Variants in SLC2A10 observed in about 807,000 individuals in gnomAD.
SLC2A10 encodes solute carrier family 2, facilitated glucose transporter member 10.
In SLC2A10, 25 loss-of-function variants were observed where a neutral mutation model predicts 32.1. That is an observed-to-expected ratio of 0.78 (90% confidence interval 0.57 to 1.09). The LOEUF (loss-of-function observed/expected upper bound fraction) is 1.09. Among genes scored for constraint, SLC2A10 ranks in the 50% least tolerant of loss-of-function variants. The pLI is 0.00. For synonymous variants in SLC2A10, 332 were observed against 309.6 expected (o/e 1.07, Z -0.76); for missense variants, 673 against 686.5 (o/e 0.98, Z 0.22).
At chr20:46,727,136 C>T in intron 3 of SLC2A10, 150 bp downstream of exon 3, 2 of 1,069,748 alleles carry the variant, frequency 1.9e-6, no homozygotes, top group Non-Finnish European at 2.9e-6. Flanking sequence ...ATCCAGGACC[C>T]TCATATGCAC....
At position 46,725,103 on chromosome 20, in the gene SLC2A10, G is replaced by A. The variant is rs760225405; in HGVS notation, c.67G>A (p.Gly23Ser). 3 of 1,614,164 alleles carry A rather than the reference G, an allele frequency of 1.9e-6. No homozygotes were observed. Among genetic ancestry groups the A allele is most frequent in the Non-Finnish European group, 1.7e-6 (2 of 1,180,042 alleles). Residue 23 changes from glycine (G) to serine (S), a missense_variant, in exon 2 of 5, where the codon GGT becomes AGT. Coordinates refer to ENST00000359271, the MANE Select transcript of SLC2A10 (RefSeq NM_030777.4). ...GTCTTTGCTGGGTGGCCTGACCTTT[G>A]GTTATGAACTGGCAGTCATATCAGG... ...SVSLLGGLTF[G>S]YELAVISGAL...
intron 1 of SLC2A10, among the ~76,000 whole-genome samples, chr20:46,715,669 C>T (rs1979193173): frequency 6.6e-6 from 1 of 152,096 alleles, no homozygotes; most frequent in Admixed American, 6.5e-5. Context: ...CATGGAACTC[C>T]TCCTTCTGCA....
rs1021536507 is a variant in SLC2A10 at position 46,734,187 on chromosome 20, C to T, written c.*353C>T. 4 of 363,362 alleles carry T rather than the reference C, an allele frequency of 1.1e-5. No homozygotes were observed. The Admixed American group carries it at 1.6e-4, about 14-fold the overall frequency. The allele number at this position is 363,362 out of a possible 1,614,324, so 22.5% of individuals were successfully genotyped here. A position where few individuals can be genotyped will look rare whatever the true frequency, so the allele number is the denominator to read the frequency against. On this transcript the variant is annotated 3_prime_UTR_variant, in exon 5 of 5. Coordinates refer to ENST00000359271, the MANE Select transcript of SLC2A10 (RefSeq NM_030777.4). ...GTACCAATCCTGGCAGGAAGTCTCT[C>T]CCGATATCACCCCTAAATCCAAATG...
chr20:46,715,705 AG>A (rs1195675354), intron 1 of SLC2A10, among the ~76,000 whole-genome samples: 1 of 152,244 alleles, frequency 6.6e-6, no homozygotes, highest in Non-Finnish European at 1.5e-5. Context: ...AAAGCTAAGA[AG>A]GGACCCAAGC....
intron 1 of SLC2A10, among the ~76,000 whole-genome samples, chr20:46,721,754 T>C (rs1279655208): frequency 2.0e-5 from 3 of 152,222 alleles, no homozygotes; most frequent in Non-Finnish European, 4.4e-5. Context: ...AATGACTATT[T>C]TGTTTCTGTA....
chr20:46,727,087 T>A, intron 3 of SLC2A10, 101 bp downstream of exon 3: 1 of 1,423,890 alleles, frequency 7.0e-7, no homozygotes, highest in East Asian at 2.3e-5. Context: ...TGCAGAACTA[T>A]TATTCTGTGC....
At chr20:46,722,891 C>T (rs750579513) in intron 1 of SLC2A10, among the ~76,000 whole-genome samples, 1 of 152,216 alleles carries the variant, frequency 6.6e-6, no homozygotes, top group Non-Finnish European at 1.5e-5. Flanking sequence ...CCTCATTGAT[C>T]TTAACTGGCA....
rs749489168 is a variant in SLC2A10 at position 46,726,961 on chromosome 20, C to G, written c.1386C>G (p.Ile462Met). Residue 462 changes from isoleucine (I) to methionine (M), a missense_variant, in exon 3 of 5, where the codon ATC (isoleucine) becomes ATG (methionine). Coordinates refer to ENST00000359271, the MANE Select transcript of SLC2A10 (RefSeq NM_030777.4). ...NSFNWAANLFISLSFLDLIGT... is the reference protein window; with the variant it reads ...NSFNWAANLFMSLSFLDLIGT... ...TCAACTGGGCGGCCAACCTCTTCAT[C>G]AGCCTCTCCTTCCTCGATCTCATTG... is the stretch of plus-strand genomic sequence containing the variant. 1.5e-5 allele frequency: 25 copies of G among 1,614,252 alleles called. No individual in the cohort carries two copies. In the South Asian group the frequency reaches 2.2e-4, roughly 14 times the overall value.
chr20:46,718,232 A>C (rs1337305484), intron 1 of SLC2A10, among the ~76,000 whole-genome samples: 2 of 152,112 alleles, frequency 1.3e-5, no homozygotes, highest in African/African-American at 4.8e-5. Context: ...AAAAAAAAAG[A>C]AAGAAAATGC....
At chr20:46,721,267 G>A (rs1979535091) in intron 1 of SLC2A10, among the ~76,000 whole-genome samples, 1 of 152,186 alleles carries the variant, frequency 6.6e-6, no homozygotes, top group South Asian at 2.1e-4. Context: ...CATCTTTAGA[G>A]ACCAGCTCCC....
Position 46,725,398 on chromosome 20 carries a change from T to C in SLC2A10, c.362T>C (p.Ile121Thr), listed in dbSNP as rs1447909132. 2 of 1,614,090 alleles carry C rather than the reference T, an allele frequency of 1.2e-6. No homozygotes were observed. The highest frequency in any genetic ancestry group is 1.7e-5 in the Admixed American group (1 of 60,010). ...AISLSSMACC[I>T]YVSELVGPRQ... ...TCCCTCTCCTCCATGGCTTGCTGTATCTACGTGTCAGAGCTGGTGGGGCCA... is the reference window on the plus strand; with the variant it reads ...TCCCTCTCCTCCATGGCTTGCTGTACCTACGTGTCAGAGCTGGTGGGGCCA... Residue 121 changes from isoleucine to threonine, a missense_variant, in exon 2 of 5, where the codon ATC (isoleucine) becomes ACC (threonine). Coordinates refer to ENST00000359271, the MANE Select transcript of SLC2A10 (RefSeq NM_030777.4).
At chr20:46,718,679 A>G (rs1413059533) in intron 1 of SLC2A10, among the ~76,000 whole-genome samples, 2 of 151,982 alleles carry the variant, frequency 1.3e-5, no homozygotes, top group African/African-American at 4.8e-5. Flanking sequence ...TCAATTATTC[A>G]AGATTTTTAA....
intron 4 of SLC2A10, among the ~76,000 whole-genome samples, chr20:46,732,141 C>T (rs6018005): frequency 0.013 from 1,947 of 152,328 alleles, 34 homozygotes; most frequent in African/African-American, 0.042. Context: ...TCCAGCTCCT[C>T]TACCTGCTTT....
rs1296666363 is a variant in SLC2A10, at chr20:46,734,942, C to T, written c.*1108C>T. ...TAACAACTCCCTGAACCTCAGTTTC[C>T]TCATCTGCAGAATGGGGATAATTAT... On this transcript the variant is annotated 3_prime_UTR_variant, in exon 5 of 5. Transcript: ENST00000359271. 6.6e-6 allele frequency: 1 copy of T among 152,656 alleles called. No homozygotes were observed. Among genetic ancestry groups the T allele is most frequent in the Non-Finnish European group, 1.5e-5 (1 of 68,056 alleles). The allele number at this position is 152,656 out of a possible 1,614,324, so 9.5% of individuals were successfully genotyped here. A position where few individuals can be genotyped will look rare whatever the true frequency, so the allele number is the denominator to read the frequency against.
chr20:46,733,220 T>TA (rs1027059787), intron 4 of SLC2A10, among the ~76,000 whole-genome samples: 3 of 152,152 alleles, frequency 2.0e-5, no homozygotes, highest in Non-Finnish European at 2.9e-5. Context: ...TCAGGAAACT[T>TA]ACGATCATGG....
chr20:46,717,312 A>G (rs2123016129), intron 1 of SLC2A10, among the ~76,000 whole-genome samples: 1 of 152,338 alleles, frequency 6.6e-6, no homozygotes, highest in East Asian at 1.9e-4. Flanking sequence ...TAAATAGAAG[A>G]CAAAAAGATA....
chr20:46,725,409 G>A lies in SLC2A10; in HGVS notation c.373G>A (p.Glu125Lys), dbSNP rs759781698. Residue 125 changes from glutamate (E) to lysine (K), a missense_variant, in exon 2 of 5, where the codon GAG (glutamate) becomes AAG (lysine). Physicochemically the swap from Glu to Lys is moderately conservative, Grantham distance 56. Coordinates refer to ENST00000359271, the MANE Select transcript of SLC2A10 (RefSeq NM_030777.4). ...SSMACCIYVS[E>K]LVGPRQRGVL... ...CATGGCTTGCTGTATCTACGTGTCA[G>A]AGCTGGTGGGGCCACGGCAGCGGGG... 3.1e-6 allele frequency: 5 copies of A among 1,614,200 alleles called. No homozygotes were observed. The highest frequency in any genetic ancestry group is 4.2e-6 in the Non-Finnish European group (5 of 1,180,038).
rs7348121 is a variant in SLC2A10, at chr20:46,733,817, A to T, written c.1609A>T (p.Ile537Phe). Residue 537 changes from isoleucine to phenylalanine, a missense_variant, in exon 5 of 5, where the codon ATC becomes TTC. Ile to Phe is a conservative substitution (Grantham distance 21). Coordinates refer to ENST00000359271, the MANE Select transcript of SLC2A10 (RefSeq NM_030777.4). ...STGIPYSRIE[I>F]SAAS is the part of the protein sequence containing the mutation. ...TGGCATCCCGTACAGCCGCATCGAG[A>T]TCTCTGCGGCCTCCTGAGGAATCCG... The T allele has an allele frequency of 6.2e-7, 1 of 1,614,058 alleles. No individual in the cohort carries two copies. The highest frequency in any genetic ancestry group is 1.3e-5 in the African/African-American group (1 of 75,012).
intron 1 of SLC2A10, chr20:46,709,955 C>G (rs554431634): frequency 5.3e-6 from 3 of 568,992 alleles, no homozygotes; most frequent in African/African-American, 2.0e-5. Flanking sequence ...CTTTCTGCCC[C>G]GGAAAAGTGG....
Sources: allele counts gnomAD v4.1 joint callset (sites outside exome capture counted in the v4.1 genomes callset), GRCh38; gene constraint gnomAD v4.1.1; transcripts MANE v1.5; gene names NCBI Gene and HGNC (gene_info 2026-07-23, HGNC 2026-07-21).